The following TNFSF4 variants were observed in gnomAD, a reference collection of about 807,000 sequenced individuals.
TNFSF4 encodes tumor necrosis factor ligand superfamily member 4.
A neutral mutation model predicts 7.3 loss-of-function variants in TNFSF4; 4 were observed. The ratio of observed to expected loss-of-function variants is 0.55; its 90% CI spans 0.27 to 1.25. The LOEUF (loss-of-function observed/expected upper bound fraction) is 1.25, where lower values mean the gene tolerates loss of function less well. TNFSF4 is among the 50% of genes most tolerant of loss of function. The pLI, the probability that TNFSF4 is intolerant of heterozygous loss-of-function variation, is 0.12. For missense variants in TNFSF4, 181 were observed against 208.8 expected, an observed-to-expected ratio of 0.87 and a Z score of 0.82; for synonymous variants, 76 against 83.7, an observed-to-expected ratio of 0.91 and a Z score of 0.50.
chr1:173,254,632 T>C, the TNFSF4 span, among the ~76,000 whole-genome samples: 2 of 152,204 alleles, frequency 1.3e-5, no homozygotes, highest in South Asian at 4.1e-4. Flanking sequence ...TTTTAATACC[T>C]ATTTCTCATA....
chr1:173,375,551 A>C, the TNFSF4 span, among the ~76,000 whole-genome samples: 3 of 151,972 alleles, frequency 2.0e-5, no homozygotes, highest in Non-Finnish European at 4.4e-5. Flanking sequence ...ACCAATCAGC[A>C]CTCTGTAGCT....
At chr1:173,181,106 G>T (rs934939132), downstream of TNFSF4, among the ~76,000 whole-genome samples, 1 of 152,144 alleles carries the variant, frequency 6.6e-6, no homozygotes, top group African/African-American at 2.4e-5. Flanking sequence ...TGATTATAAG[G>T]GGAGAATACA....
At chr1:173,289,714 A>G in the TNFSF4 span, among the ~76,000 whole-genome samples, 19 of 152,196 alleles carry the variant, frequency 1.2e-4, no homozygotes, top group Non-Finnish European at 2.5e-4. Context: ...ATGGGAATTC[A>G]ACAACTGAAA....
At chr1:173,363,273 C>A in the TNFSF4 span, 1 of 309,304 alleles carries the variant, frequency 3.2e-6, no homozygotes, top group Non-Finnish European at 6.5e-6. Flanking sequence ...ATGTCCTCTC[C>A]CTTTCTGCAT....
chr1:173,188,133 A>T lies in TNFSF4; in HGVS notation c.202+388T>A, dbSNP rs1649310306. 2.0e-5 allele frequency among the ~76,000 whole-genome samples: 3 copies of T among 152,216 alleles called. No homozygotes were observed. In the South Asian group the frequency reaches 6.2e-4, roughly 32 times the overall value. ...TCAAGGGCTTCCCCCAACTTTCATT[A>T]AGGTAAACTCTTGCCCCAGAATACA... On this transcript the variant is annotated intron_variant, in intron 2 of 2. Coordinates refer to ENST00000281834, the MANE Select transcript of TNFSF4 (RefSeq NM_003326.5).
chr1:173,363,261 A>T, the TNFSF4 span: 12 of 306,220 alleles, frequency 3.9e-5, no homozygotes, highest in Admixed American at 4.8e-4. Flanking sequence ...TCTCTAAGAC[A>T]GATGTCCTCT....
At chr1:173,261,406 C>T in the TNFSF4 span, among the ~76,000 whole-genome samples, 1 of 152,056 alleles carries the variant, frequency 6.6e-6, no homozygotes, top group Admixed American at 6.6e-5. Context: ...CCTAACATCA[C>T]TTCTAAAAGA....
At chr1:173,248,906 T>G in the TNFSF4 span, among the ~76,000 whole-genome samples, 4 of 152,192 alleles carry the variant, frequency 2.6e-5, no homozygotes, top group African/African-American at 9.7e-5. Context: ...CTATGAAAAC[T>G]TTTAAAGGTT....
At chr1:173,382,445 G>A in the TNFSF4 span, among the ~76,000 whole-genome samples, 10 of 152,160 alleles carry the variant, frequency 6.6e-5, no homozygotes, top group African/African-American at 1.9e-4. Flanking sequence ...AACCAATTCC[G>A]GACACATTAG....
At chr1:173,432,412 C>T in the TNFSF4 span, among the ~76,000 whole-genome samples, 1 of 152,114 alleles carries the variant, frequency 6.6e-6, no homozygotes, top group Non-Finnish European at 1.5e-5. Flanking sequence ...AAGGGTAGGG[C>T]CCTAATCCAG....
the TNFSF4 span, among the ~76,000 whole-genome samples, chr1:173,318,520 A>C: frequency 2.6e-5 from 4 of 152,326 alleles, no homozygotes; most frequent in African/African-American, 9.6e-5. Flanking sequence ...TGGAAAATTC[A>C]CAAAGGAAAT....
downstream of TNFSF4, among the ~76,000 whole-genome samples, chr1:173,179,963 C>T (rs1649019097): frequency 6.6e-6 from 1 of 152,196 alleles, no homozygotes; most frequent in African/African-American, 2.4e-5. Context: ...CTGGTTTCTT[C>T]CAATTTTCAG....
chr1:173,223,626 C>T, the TNFSF4 span, among the ~76,000 whole-genome samples: 8 of 152,104 alleles, frequency 5.3e-5, no homozygotes, highest in Admixed American at 3.3e-4. Flanking sequence ...CAAATGCCTA[C>T]GAAGGTTAGG....
chr1:173,407,559 CAAA>C, the TNFSF4 span, among the ~76,000 whole-genome samples: 9 of 72,020 alleles, frequency 1.2e-4, no homozygotes, highest in Admixed American at 1.7e-4. Flanking sequence ...GACTCTGCCT[CAAA>C]AAAAAAAAAA....
the TNFSF4 span, among the ~76,000 whole-genome samples, chr1:173,256,067 G>A: frequency 6.6e-6 from 1 of 152,182 alleles, no homozygotes. Flanking sequence ...GGTTTAAATA[G>A]TAGGAAGACA....
the TNFSF4 span, among the ~76,000 whole-genome samples, chr1:173,250,123 C>T: frequency 2.5e-4 from 38 of 152,292 alleles, no homozygotes; most frequent in African/African-American, 9.1e-4. Context: ...ACCTGAGAAG[C>T]CATTCGATAG....
the TNFSF4 span, among the ~76,000 whole-genome samples, chr1:173,253,541 T>C: frequency 6.6e-6 from 1 of 152,110 alleles, no homozygotes; most frequent in South Asian, 2.1e-4. Flanking sequence ...CACAGACAAA[T>C]TGAGGCAAAA....
the TNFSF4 span, among the ~76,000 whole-genome samples, chr1:173,218,982 G>A: frequency 6.6e-6 from 1 of 152,168 alleles, no homozygotes; most frequent in Non-Finnish European, 1.5e-5. Flanking sequence ...GTTGGGCAGA[G>A]GATGAGAGCC....
At chr1:173,373,574 C>T in the TNFSF4 span, among the ~76,000 whole-genome samples, 2 of 152,192 alleles carry the variant, frequency 1.3e-5, no homozygotes, top group South Asian at 4.1e-4. Context: ...ATCAAATGGC[C>T]AAATCCCTTT....
Sources: gnomAD v4.1 joint callset for allele counts (sites outside exome capture counted in the v4.1 genomes callset) on GRCh38, gnomAD v4.1.1 for gene constraint, MANE v1.5 for transcripts, NCBI Gene and HGNC (gene_info 2026-07-23, HGNC 2026-07-21) for gene names.